Variants in NAV3 observed in about 807,000 individuals in gnomAD.
The protein encoded by NAV3 is neuron navigator 3.
In NAV3, 87 loss-of-function variants were observed where a neutral mutation model predicts 244.7. The observed-to-expected ratio is 0.36, with a 90% confidence interval of 0.30 to 0.42. NAV3 has a LOEUF of 0.42. Among genes scored for constraint, NAV3 ranks in the 20% least tolerant of loss-of-function variants. The pLI, the probability that NAV3 is intolerant of heterozygous loss-of-function variation, is 1.00. For missense variants in NAV3, 2,663 were observed against 2,893.3 expected, an observed-to-expected ratio of 0.92 and a Z score of 1.83; for synonymous variants, 1,126 against 1,042.2, an observed-to-expected ratio of 1.08 and a Z score of -1.55.
intron 1 of NAV3, among the ~76,000 whole-genome samples, chr12:77,909,121 A>G (rs2137021588): frequency 6.6e-6 from 1 of 152,198 alleles, no homozygotes; most frequent in African/African-American, 2.4e-5. Context: ...TATATGTCCT[A>G]GATGTTACAA....
intron 1 of NAV3, among the ~76,000 whole-genome samples, chr12:77,835,586 A>G (rs926838111): frequency 2.6e-5 from 4 of 152,164 alleles, no homozygotes; most frequent in African/African-American, 9.7e-5. Flanking sequence ...TTCACATCCC[A>G]TAACTTGCCA....
chr12:77,719,681 T>C (rs1876523485), intron 2 of NAV3, among the ~76,000 whole-genome samples: 1 of 152,142 alleles, frequency 6.6e-6, no homozygotes, highest in Admixed American at 6.6e-5. Flanking sequence ...TAATATGTTG[T>C]TAAATTCAGT....
At position 78,163,647 on chromosome 12, in the gene NAV3, C is replaced by T. The variant is rs79325534; in HGVS notation, c.4869+4361C>T. The stretch of plus-strand genomic sequence containing the variant: ...CATTTTCTGAAAGTTAAGCAGTATT[C>T]CCAATAGCTGCTAAAAGAAGACATG... On this transcript the variant is annotated intron_variant, in intron 23 of 39. Transcript: ENST00000397909. Among the ~76,000 whole-genome samples the T allele has an allele frequency of 5.5e-3, 842 of 152,064 alleles. 8 individuals carry two copies. Among genetic ancestry groups the T allele is most frequent in the African/African-American group, 0.019 (808 of 41,506 alleles).
At chr12:77,997,562 G>A (rs905410310) in intron 6 of NAV3, among the ~76,000 whole-genome samples, 2 of 152,124 alleles carry the variant, frequency 1.3e-5, no homozygotes, top group Non-Finnish European at 2.9e-5. Flanking sequence ...ACAAAGAGTA[G>A]CTAAAGCTAT....
chr12:78,118,294 C>T lies in NAV3; in HGVS notation c.3037C>T (p.Pro1013Ser), dbSNP rs2138577334. Residue 1013 changes from proline to serine, a missense_variant, in exon 14 of 40, where the codon CCC (proline) becomes TCC (serine). Around this residue, in one of 6 missense-constraint regions of NAV3, gnomAD observed 1,521 missense variants for 1,497.0 expected, o/e 1.02. Transcript: ENST00000397909. Reference sequence around the variant, plus strand: ...AGCTGGAACAAGTGCACTCAAAACACCCGGTAGGCTTGTCGTTTGCCAGCT... The same window carrying T: ...AGCTGGAACAAGTGCACTCAAAACATCCGGTAGGCTTGTCGTTTGCCAGCT... ...QKAGTSALKT[P>S]GKTDDAKASE... The T allele has an allele frequency of 6.3e-7, 1 of 1,593,030 alleles. No homozygotes were observed.
chr12:78,198,027 G>A (rs943131814), intron 35 of NAV3, among the ~76,000 whole-genome samples: 5 of 151,648 alleles, frequency 3.3e-5, no homozygotes, highest in South Asian at 2.1e-4. Context: ...TTAAAGTAAG[G>A]TATTAAAAAA....
At chr12:78,166,963 T>C (rs1957805091) in intron 23 of NAV3, among the ~76,000 whole-genome samples, 1 of 151,840 alleles carries the variant, frequency 6.6e-6, no homozygotes, top group Admixed American at 6.6e-5. Context: ...TTAATTAGAA[T>C]TTAATATGCA....
chr12:77,873,261 A>T (rs1460623626), intron 1 of NAV3, among the ~76,000 whole-genome samples: 9 of 152,198 alleles, frequency 5.9e-5, no homozygotes, highest in Admixed American at 5.9e-4. Context: ...ATGAAAATGG[A>T]TTAATACAAT....
rs951943388 is a variant in NAV3 at position 78,140,464 on chromosome 12, A to G, written c.4683+130A>G. 9 of 812,364 alleles carry G rather than the reference A, an allele frequency of 1.1e-5. No individual in the cohort carries two copies. In the African/African-American group the frequency reaches 1.5e-4, roughly 14 times the overall value. 50.3% of individuals were successfully genotyped at this position (812,364 alleles called of 1,614,324 possible). ...AGGAGTTGTGTAGCAAAATAACGGC[A>G]TACTCTAAGCTGCCCAATACCCAAT... On this transcript the variant is annotated intron_variant, in intron 20 of 39. Transcript: ENST00000397909.
At chr12:77,783,138 A>C (rs529255455) in intron 2 of NAV3, 46 of 152,072 alleles carry the variant, frequency 3.0e-4, no homozygotes, top group African/African-American at 1.1e-3. Context: ...TAAGAAAGCC[A>C]TTTAAAAGGT....
intron 2 of NAV3, among the ~76,000 whole-genome samples, chr12:77,760,074 G>A (rs898964366): frequency 6.6e-6 from 1 of 152,188 alleles, no homozygotes; most frequent in Non-Finnish European, 1.5e-5. Context: ...AACATTGTGA[G>A]CACCAGAATG....
intron 12 of NAV3, among the ~76,000 whole-genome samples, chr12:78,108,648 A>G (rs1200668854): frequency 6.6e-6 from 1 of 152,142 alleles, no homozygotes; most frequent in Non-Finnish European, 1.5e-5. Flanking sequence ...AATCAATGCC[A>G]AGAATAACGT....
chr12:77,956,181 T>A (rs972770106), intron 3 of NAV3, among the ~76,000 whole-genome samples: 3 of 152,208 alleles, frequency 2.0e-5, no homozygotes. Context: ...TTGAATTCAG[T>A]GTTAGGATTG....
At chr12:78,015,388 T>A (rs1876018327) in intron 8 of NAV3, among the ~76,000 whole-genome samples, 1 of 152,108 alleles carries the variant, frequency 6.6e-6, no homozygotes, top group African/African-American at 2.4e-5. Context: ...GTTTAGCCTT[T>A]CCCTGACTTT....
chr12:77,854,781 C>A (rs1386207599), intron 1 of NAV3, among the ~76,000 whole-genome samples: 1 of 152,024 alleles, frequency 6.6e-6, no homozygotes, highest in Non-Finnish European at 1.5e-5. Flanking sequence ...GATCATATAC[C>A]GTCTAAATAT....
intron 5 of NAV3, among the ~76,000 whole-genome samples, chr12:77,988,771 T>G (rs1870971678): frequency 6.6e-6 from 1 of 152,158 alleles, no homozygotes; most frequent in Admixed American, 6.5e-5. Context: ...CCCCATTGCC[T>G]GAGAGCTGTG....
Position 77,691,354 on chromosome 12 carries a change from TAC to T in NAV3, c.72+119090_72+119091del, listed in dbSNP as rs1491347200. Among the ~76,000 whole-genome samples, 172 of 137,686 alleles carry T rather than the reference TAC, an allele frequency of 1.2e-3. 6 individuals are homozygous for T. The highest frequency in any genetic ancestry group is 3.9e-3 in the Middle Eastern group (1 of 254). 90.3% of individuals were successfully genotyped at this position (137,686 alleles called of 152,430 possible). A position where few individuals can be genotyped will look rare whatever the true frequency, so the allele number is the denominator to read the frequency against. The stretch of plus-strand genomic sequence containing the variant: ...GTATGTGTGTATATATATATATATA[TAC>T]ATATCCATTCTTGTACTTTTTCTGC... On this transcript the variant is annotated intron_variant, in intron 2 of 8. Coordinates refer to the NAV3 transcript ENST00000550042.
chr12:77,833,496 G>A (rs1339981986), intron 1 of NAV3, among the ~76,000 whole-genome samples: 1 of 152,194 alleles, frequency 6.6e-6, no homozygotes, highest in Non-Finnish European at 1.5e-5. Flanking sequence ...CCTCTAGAGG[G>A]ATCATGCAGA....
At chr12:77,616,357 G>A (rs1420782432) in intron 2 of NAV3, among the ~76,000 whole-genome samples, 2 of 151,244 alleles carry the variant, frequency 1.3e-5, no homozygotes, top group African/African-American at 4.9e-5. Flanking sequence ...AGTGAGCCGA[G>A]ATCACACCAC....
Sources: allele counts gnomAD v4.1 joint callset (sites outside exome capture counted in the v4.1 genomes callset), GRCh38; gene constraint gnomAD v4.1.1; regional missense constraint gnomAD v4.1.1; transcripts MANE v1.5; gene names NCBI Gene and HGNC (gene_info 2026-07-23, HGNC 2026-07-21).